Variants in PTPRD observed in about 807,000 individuals in gnomAD.
PTPRD encodes protein tyrosine phosphatase receptor type D, also known as receptor-type tyrosine-protein phosphatase delta.
A neutral mutation model predicts 214.5 loss-of-function variants in PTPRD; 34 were observed. The ratio of observed to expected loss-of-function variants is 0.16; its 90% CI spans 0.12 to 0.21. The LOEUF (loss-of-function observed/expected upper bound fraction) is 0.21. Ranked by LOEUF, PTPRD falls within the 10% of genes least tolerant of loss-of-function variation. PTPRD has a pLI of 1.00. For missense variants in PTPRD, 2,545 were observed against 2,398.7 expected (o/e 1.06, Z -1.27); for synonymous variants, 1,128 against 845.7 (o/e 1.33, Z -5.79).
intron 8 of PTPRD, among the ~76,000 whole-genome samples, chr9:9,440,071 AC>A (rs1307194803): frequency 6.6e-6 from 1 of 152,180 alleles, no homozygotes; most frequent in Non-Finnish European, 1.5e-5. Flanking sequence ...AATTCCTTCA[AC>A]TTAATCTGAT....
intron 35 of PTPRD, among the ~76,000 whole-genome samples, chr9:8,420,848 C>T (rs1010815776): frequency 6.8e-5 from 10 of 147,934 alleles, no homozygotes; most frequent in African/African-American, 2.3e-4. Context: ...ACACTGAGAG[C>T]GTAGGAAAAG....
At chr9:9,642,721 G>A (rs142940837) in intron 7 of PTPRD, among the ~76,000 whole-genome samples, 226 of 152,292 alleles carry the variant, frequency 1.5e-3, no homozygotes, top group African/African-American at 5.1e-3. Flanking sequence ...GAGGTAAATA[G>A]TAAGGATCAT....
chr9:10,315,855 A>G (rs1432177334), intron 3 of PTPRD, among the ~76,000 whole-genome samples: 2 of 151,894 alleles, frequency 1.3e-5, no homozygotes, highest in African/African-American at 4.8e-5. Flanking sequence ...GGCTTATGCC[A>G]TTTATAGTAG....
At chr9:10,192,141 T>A (rs1164858935) in intron 3 of PTPRD, among the ~76,000 whole-genome samples, 1 of 152,174 alleles carries the variant, frequency 6.6e-6, no homozygotes. Context: ...GTGAAAAGTA[T>A]CAAGAGTAAT....
intron 3 of PTPRD, among the ~76,000 whole-genome samples, chr9:10,283,081 G>C (rs2095206679): frequency 6.6e-6 from 1 of 151,610 alleles, no homozygotes; most frequent in Non-Finnish European, 1.5e-5. Flanking sequence ...TGAAATTTAA[G>C]ACTTTCTCTT....
chr9:9,723,608 A>G (rs140609757), intron 7 of PTPRD, among the ~76,000 whole-genome samples: 1 of 152,188 alleles, frequency 6.6e-6, no homozygotes, highest in Non-Finnish European at 1.5e-5. Flanking sequence ...TTGCAGATCA[A>G]TTTGGGGAAT....
At chr9:8,399,977 T>C (rs1388651358) in intron 36 of PTPRD, among the ~76,000 whole-genome samples, 1 of 152,210 alleles carries the variant, frequency 6.6e-6, no homozygotes, top group Non-Finnish European at 1.5e-5. Flanking sequence ...CTCCATAACA[T>C]GGTGCTCGGC....
chr9:10,502,575 T>C (rs2044147438), intron 2 of PTPRD, among the ~76,000 whole-genome samples: 1 of 152,008 alleles, frequency 6.6e-6, no homozygotes, highest in Admixed American at 6.6e-5. Context: ...TGCAAGCAAG[T>C]TAGTGGAAAA....
chr9:8,405,021 T>C (rs776221783), intron 35 of PTPRD, among the ~76,000 whole-genome samples: 9 of 152,226 alleles, frequency 5.9e-5, no homozygotes, highest in Non-Finnish European at 1.2e-4. Flanking sequence ...CCTTATTTTA[T>C]ATTGATTATT....
chr9:8,384,181 G>A lies in PTPRD; in HGVS notation c.4386+5051C>T, dbSNP rs564655509. ...TCATCAAAAATAATATCCTTGGAGT[G>A]GAAATCCCAGCTGTATACATTTTAC... is the stretch of plus-strand genomic sequence containing the variant. On this transcript the variant is annotated intron_variant, in intron 37 of 45. Coordinates refer to ENST00000381196, the MANE Select transcript of PTPRD (RefSeq NM_002839.4). Among the ~76,000 whole-genome samples, 26 of 152,050 alleles carry A rather than the reference G, an allele frequency of 1.7e-4. No individual in the cohort carries two copies. In the South Asian group the frequency reaches 5.2e-3, roughly 30 times the overall value.
intron 4 of PTPRD, among the ~76,000 whole-genome samples, chr9:9,942,078 T>G (rs904086804): frequency 1.3e-5 from 2 of 152,150 alleles, no homozygotes; most frequent in African/African-American, 4.8e-5. Context: ...CCACAGGAAA[T>G]AGTACACAGG....
chr9:8,399,592 G>A (rs1053280146), intron 36 of PTPRD, among the ~76,000 whole-genome samples: 1 of 152,138 alleles, frequency 6.6e-6, no homozygotes, highest in South Asian at 2.1e-4. Context: ...AATCATTTCT[G>A]TGTCATTTAT....
intron 9 of PTPRD, among the ~76,000 whole-genome samples, chr9:9,276,267 CTGTT>C (rs1442421687): frequency 1.3e-5 from 2 of 151,332 alleles, no homozygotes; most frequent in East Asian, 2.0e-4. Flanking sequence ...CTTCTCCTGT[CTGTT>C]TGATTCTTTA....
At chr9:8,749,587 A>T (rs1257673545) in intron 11 of PTPRD, among the ~76,000 whole-genome samples, 1 of 152,230 alleles carries the variant, frequency 6.6e-6, no homozygotes, top group Non-Finnish European at 1.5e-5. Context: ...AGCTGATGTC[A>T]ACAAGACATA....
At chr9:9,847,564 GT>G (rs2059771364) in intron 5 of PTPRD, among the ~76,000 whole-genome samples, 1 of 151,956 alleles carries the variant, frequency 6.6e-6, no homozygotes, top group African/African-American at 2.4e-5. Flanking sequence ...TGCCCCCTAG[GT>G]TTGTCATATT....
intron 3 of PTPRD, among the ~76,000 whole-genome samples, chr9:10,227,238 G>C (rs1301244548): frequency 6.6e-6 from 1 of 151,930 alleles, no homozygotes; most frequent in East Asian, 1.9e-4. Flanking sequence ...ATGTGAAATT[G>C]CATGTTGAAA....
chr9:9,165,720 TAAC>T (rs1362983086), intron 10 of PTPRD, among the ~76,000 whole-genome samples: 1 of 152,194 alleles, frequency 6.6e-6, no homozygotes, highest in Admixed American at 6.5e-5. Flanking sequence ...GGCCACATAT[TAAC>T]AAGGAGATAA....
intron 3 of PTPRD, among the ~76,000 whole-genome samples, chr9:10,281,525 T>C (rs1202530683): frequency 1.3e-5 from 2 of 152,188 alleles, no homozygotes; most frequent in Non-Finnish European, 2.9e-5. Context: ...AGTCTCAAAC[T>C]ATGGTTCATT....
chr9:9,979,178 G>C (rs1007116984), intron 4 of PTPRD, among the ~76,000 whole-genome samples: 1 of 151,916 alleles, frequency 6.6e-6, no homozygotes, highest in Non-Finnish European at 1.5e-5. Context: ...CATAAACTTA[G>C]ATTTATACAA....
Sources: gnomAD v4.1 joint callset for allele counts (sites outside exome capture counted in the v4.1 genomes callset) on GRCh38, gnomAD v4.1.1 for gene constraint, MANE v1.5 for transcripts, NCBI Gene and HGNC (gene_info 2026-07-23, HGNC 2026-07-21) for gene names.